The following CXXC5 variants were observed in gnomAD, a reference collection of about 807,000 sequenced individuals.
The protein encoded by CXXC5 is CXXC finger protein 5, also known as CXXC-type zinc finger protein 5.
Under a neutral mutation model 17.6 loss-of-function variants are expected in CXXC5, and 2 were observed. The observed-to-expected ratio is 0.11, with a 90% confidence interval of 0.05 to 0.36. The LOEUF (loss-of-function observed/expected upper bound fraction) is 0.36, where lower values mean the gene tolerates loss of function less well. Ranked by LOEUF, CXXC5 falls within the 10% of genes least tolerant of loss-of-function variation. The pLI is 1.00. For missense variants in CXXC5, 343 were observed against 458.3 expected, an observed-to-expected ratio of 0.75 and a Z score of 2.30; for synonymous variants, 171 against 193.0, an observed-to-expected ratio of 0.89 and a Z score of 0.94.
intron 1 of CXXC5, among the ~76,000 whole-genome samples, chr5:139,652,712 T>C (rs1391989979): frequency 6.6e-6 from 1 of 152,250 alleles, no homozygotes; most frequent in African/African-American, 2.4e-5. Flanking sequence ...ATCTGTAGTG[T>C]ATGTGTACAT....
At position 139,663,963 on chromosome 5, in the gene CXXC5, A is replaced by G. The variant is rs1288061104; in HGVS notation, c.-161+15118A>G. ...AGCTAGGAGAGGAATCCTGACTCCA[A>G]AGCCCCACTTGGACCCTGGCATGGC... On this transcript the variant is annotated intron_variant, in intron 1 of 2. Coordinates refer to ENST00000302517, the MANE Select transcript of CXXC5 (RefSeq NM_016463.9). This position sits in a 1 kb window ranked among gnomAD's most constrained non-coding sequence, Gnocchi z 4.2. Among the ~76,000 whole-genome samples, 1 of 152,140 alleles carries G rather than the reference A, an allele frequency of 6.6e-6. No individual in the cohort carries two copies. Among genetic ancestry groups the G allele is most frequent in the Non-Finnish European group, 1.5e-5 (1 of 68,012 alleles).
chr5:139,671,655 G>C (rs1756478771), intron 1 of CXXC5, among the ~76,000 whole-genome samples: 2 of 152,240 alleles, frequency 1.3e-5, no homozygotes, highest in African/African-American at 4.8e-5. Flanking sequence ...GGCCCAGCCT[G>C]CCCCGTCTGG....
Position 139,680,974 on chromosome 5 carries a change from G to A in CXXC5, c.451G>A (p.Ala151Thr). The change falls in exon 2 of 3, where the codon GCC (alanine) becomes ACC (threonine). Residue 151 changes from alanine to threonine, a missense_variant. Coordinates refer to ENST00000302517, the MANE Select transcript of CXXC5 (RefSeq NM_016463.9). Reference protein sequence around the residue: ...VASLLSKAERATELAAEGQLT... With the variant: ...VASLLSKAERTTELAAEGQLT... ...CAGCCTGCTGAGCAAGGCAGAGCGG[G>A]CCACGGAGCTGGCAGCCGAGGGACA... The A allele has an allele frequency of 1.2e-6, 2 of 1,602,372 alleles. No individual in the cohort carries two copies. The highest frequency in any genetic ancestry group is 1.7e-6 in the Non-Finnish European group (2 of 1,179,938).
chr5:139,652,171 C>CGTGT (rs70988712), intron 1 of CXXC5, among the ~76,000 whole-genome samples: 42 of 114,988 alleles, frequency 3.7e-4, no homozygotes, highest in African/African-American at 1.0e-3. Context: ...CGCGCGCGCG[C>CGTGT]GTGTGTGTGT....
At chr5:139,660,939 C>G (rs1110065) in intron 1 of CXXC5, among the ~76,000 whole-genome samples, 1 of 138,986 alleles carries the variant, frequency 7.2e-6, no homozygotes, top group East Asian at 2.5e-4. Context: ...GCCTGGTGGC[C>G]GGCGGGACAG....
rs1755919525 is a variant in CXXC5 at position 139,663,244 on chromosome 5, G to C, written c.-161+14399G>C. On this transcript the variant is annotated intron_variant, in intron 1 of 2. Transcript: ENST00000302517. This position sits in a 1 kb window ranked among gnomAD's most constrained non-coding sequence, Gnocchi z 4.2. ...AGAGAGAGCCGACTGTAGTTTCAAG[G>C]CTTTCTCTGTCTCCCACCCCCTATG... Among the ~76,000 whole-genome samples the C allele has an allele frequency of 6.6e-6, 1 of 152,146 alleles. No homozygotes were observed. The highest frequency in any genetic ancestry group is 2.1e-4 in the South Asian group (1 of 4,836).
At chr5:139,679,206 T>C (rs1355749713) in intron 1 of CXXC5, among the ~76,000 whole-genome samples, 1 of 152,168 alleles carries the variant, frequency 6.6e-6, no homozygotes, top group Admixed American at 6.5e-5. Flanking sequence ...CAGGCCCTAC[T>C]CTGCAGGCCT....
chr5:139,651,831 A>G (rs1045565688), intron 1 of CXXC5, among the ~76,000 whole-genome samples: 6 of 152,142 alleles, frequency 3.9e-5, no homozygotes, highest in Non-Finnish European at 5.9e-5. Context: ...ATTAACAAGC[A>G]TGATGCTCTG....
intron 1 of CXXC5, chr5:139,665,606 T>C (rs1315997560): frequency 6.6e-6 from 1 of 152,312 alleles, no homozygotes; most frequent in Non-Finnish European, 1.5e-5. Flanking sequence ...CAGCTTGGGC[T>C]GATGGAGACA....
rs1365967548 is a variant in CXXC5 at position 139,648,753 on chromosome 5, G to C, written c.-253G>C. ...TGGAGCGGAGCGCACCGCGGCGGTG[G>C]TGCCCAGAGCGGAGCGCAGCTCCCT... On this transcript the variant is annotated 5_prime_UTR_variant, in exon 1 of 3. Coordinates refer to ENST00000302517, the MANE Select transcript of CXXC5 (RefSeq NM_016463.9). 6.6e-6 allele frequency: 1 copy of C among 152,030 alleles called. No homozygotes were observed. The highest frequency in any genetic ancestry group is 1.5e-5 in the Non-Finnish European group (1 of 67,960). 9.4% of individuals were successfully genotyped at this position (152,030 alleles called of 1,614,324 possible). A position where few individuals can be genotyped will look rare whatever the true frequency, so the allele number is the denominator to read the frequency against.
chr5:139,677,374 C>T (rs541103075), intron 1 of CXXC5, among the ~76,000 whole-genome samples: 24 of 152,178 alleles, frequency 1.6e-4, no homozygotes, highest in Middle Eastern at 6.8e-3. Flanking sequence ...CCTGGGAGAA[C>T]GTCCCCTCTA....
At position 139,677,903 on chromosome 5, in the gene CXXC5, G is replaced by A. The variant is rs186651544; in HGVS notation, c.-160-2461G>A. Among the ~76,000 whole-genome samples, 175 of 152,352 alleles carry A rather than the reference G, an allele frequency of 1.1e-3. 1 individual carries two copies. Among genetic ancestry groups the A allele is most frequent in the Admixed American group, 9.6e-3 (147 of 15,310 alleles). On this transcript the variant is annotated intron_variant, in intron 1 of 2. Coordinates refer to ENST00000302517, the MANE Select transcript of CXXC5 (RefSeq NM_016463.9). ...GAGCTGACTTCTAATTGACCTGCCC[G>A]CCCCGCACGCAGAGCCAGATCCTGG...
At chr5:139,659,126 A>G (rs1755639049) in intron 1 of CXXC5, among the ~76,000 whole-genome samples, 8 of 152,170 alleles carry the variant, frequency 5.3e-5, no homozygotes, top group Admixed American at 5.2e-4. Flanking sequence ...GTGGTTACCC[A>G]TGAGGTCATT....
chr5:139,659,264 G>A (rs1243171657), intron 1 of CXXC5, among the ~76,000 whole-genome samples: 2 of 152,178 alleles, frequency 1.3e-5, no homozygotes, highest in Non-Finnish European at 2.9e-5. Context: ...GAGGTGGGGG[G>A]AGGTAAGGAG....
At chr5:139,677,980 A>T (rs1026507145) in intron 1 of CXXC5, among the ~76,000 whole-genome samples, 1 of 152,252 alleles carries the variant, frequency 6.6e-6, no homozygotes, top group Non-Finnish European at 1.5e-5. Flanking sequence ...TAATGCAGCT[A>T]TCGATTTCTG....
chr5:139,652,167 C>T (rs60185455), intron 1 of CXXC5, among the ~76,000 whole-genome samples: 59,900 of 140,864 alleles, frequency 0.43, 14,005 homozygotes, highest in African/African-American at 0.65. Flanking sequence ...CGCGCGCGCG[C>T]GCGCGTGTGT....
chr5:139,682,627 G>A (rs538901579), intron 2 of CXXC5, among the ~76,000 whole-genome samples: 1 of 152,364 alleles, frequency 6.6e-6, no homozygotes, highest in African/African-American at 2.4e-5. Flanking sequence ...TCTGGAAGGA[G>A]GGTTCCTGGG....
chr5:139,651,329 G>A (rs1437816685), intron 1 of CXXC5, among the ~76,000 whole-genome samples: 1 of 152,072 alleles, frequency 6.6e-6, no homozygotes, highest in Admixed American at 6.5e-5. Flanking sequence ...CCGAGGGCCA[G>A]TGGCCTCGTC....
At chr5:139,656,377 T>A (rs1435073507) in intron 1 of CXXC5, among the ~76,000 whole-genome samples, 1 of 152,258 alleles carries the variant, frequency 6.6e-6, no homozygotes, top group African/African-American at 2.4e-5. Flanking sequence ...GCTGTGCTCC[T>A]GGCATCACTG....
Sources: allele counts gnomAD v4.1 joint callset (sites outside exome capture counted in the v4.1 genomes callset), GRCh38; gene constraint gnomAD v4.1.1; non-coding constraint Gnocchi (gnomAD v3.1); transcripts MANE v1.5; gene names NCBI Gene and HGNC (gene_info 2026-07-23, HGNC 2026-07-21).